NRG3: variants seen among roughly 807,000 people sequenced by gnomAD.
The protein encoded by NRG3 is pro-neuregulin-3, membrane-bound isoform.
In NRG3, 31 loss-of-function variants were observed where a neutral mutation model predicts 66.9. The ratio of observed to expected loss-of-function variants is 0.46; its 90% CI spans 0.35 to 0.63. NRG3 has a LOEUF of 0.63. Ranked by LOEUF, NRG3 falls within the 20% of genes least tolerant of loss-of-function variation. The probability of loss-of-function intolerance (pLI) is 0.00; values close to 1 mark genes in which losing one functional copy is unlikely to be tolerated. For synonymous variants in NRG3, 393 were observed against 359.4 expected (o/e 1.09, Z -1.06); for missense variants, 910 against 878.9 (o/e 1.04, Z -0.45).
intron 2 of NRG3, among the ~76,000 whole-genome samples, chr10:82,411,954 G>A (rs1175424386): frequency 6.6e-6 from 1 of 152,054 alleles, no homozygotes; most frequent in Non-Finnish European, 1.5e-5. Flanking sequence ...GAGATAAACT[G>A]AGTCCTTATT....
chr10:82,129,784 C>T (rs1016235419), intron 1 of NRG3, among the ~76,000 whole-genome samples: 2 of 152,090 alleles, frequency 1.3e-5, no homozygotes, highest in Non-Finnish European at 2.9e-5. Context: ...TGGTCTCGAA[C>T]TCCTGACCTC....
chr10:82,650,140 G>T (rs900703887), intron 2 of NRG3, among the ~76,000 whole-genome samples: 3 of 152,150 alleles, frequency 2.0e-5, no homozygotes, highest in African/African-American at 7.2e-5. Flanking sequence ...AAAGTAATGT[G>T]ACCTAGTTAC....
At chr10:82,304,692 G>A (rs1196063775) in intron 1 of NRG3, among the ~76,000 whole-genome samples, 1 of 151,978 alleles carries the variant, frequency 6.6e-6, no homozygotes, top group Non-Finnish European at 1.5e-5. Flanking sequence ...GTCAGCCTGG[G>A]GCTAATATGA....
intron 1 of NRG3, 146 bp downstream of exon 1, chr10:81,876,309 C>G: frequency 8.2e-7 from 1 of 1,215,946 alleles, no homozygotes; most frequent in Non-Finnish European, 1.1e-6. Context: ...TTAAAACTGG[C>G]CACCAGCGGG....
At chr10:82,883,201 GT>G (rs995016687) in intron 4 of NRG3, among the ~76,000 whole-genome samples, 1 of 152,002 alleles carries the variant, frequency 6.6e-6, no homozygotes, top group African/African-American at 2.4e-5. Flanking sequence ...AAAAAGTCAT[GT>G]TTTTGTTATT....
intron 1 of NRG3, among the ~76,000 whole-genome samples, chr10:82,001,798 C>T (rs1035613854): frequency 1.3e-5 from 2 of 151,990 alleles, no homozygotes; most frequent in African/African-American, 4.8e-5. Flanking sequence ...TTAAGTTGAG[C>T]AATCATTTCA....
At chr10:82,596,728 A>G (rs2047304208) in intron 2 of NRG3, among the ~76,000 whole-genome samples, 1 of 152,196 alleles carries the variant, frequency 6.6e-6, no homozygotes, top group Non-Finnish European at 1.5e-5. Flanking sequence ...TCACAGGTGT[A>G]TGTAAGACAA....
At chr10:82,351,243 C>G (rs992833371) in intron 1 of NRG3, among the ~76,000 whole-genome samples, 2 of 152,120 alleles carry the variant, frequency 1.3e-5, no homozygotes, top group Non-Finnish European at 2.9e-5. Context: ...TACAGGGAGA[C>G]CAGACAGGAG....
At chr10:81,919,601 TG>T (rs2132852845) in intron 1 of NRG3, among the ~76,000 whole-genome samples, 1 of 152,200 alleles carries the variant, frequency 6.6e-6, no homozygotes, top group Admixed American at 6.5e-5. Context: ...GTATTAAAGA[TG>T]GGGTGGAATT....
chr10:82,295,443 C>T (rs959669482), intron 1 of NRG3, among the ~76,000 whole-genome samples: 8 of 151,376 alleles, frequency 5.3e-5, no homozygotes, highest in Admixed American at 1.3e-4. Context: ...TTTTTGTTAT[C>T]GAGGGTACAT....
intron 2 of NRG3, among the ~76,000 whole-genome samples, chr10:82,729,924 C>T (rs1475198742): frequency 2.0e-5 from 3 of 152,052 alleles, no homozygotes; most frequent in Non-Finnish European, 4.4e-5. Flanking sequence ...TTTTTTGTGG[C>T]TCAAATAGTG....
intron 2 of NRG3, among the ~76,000 whole-genome samples, chr10:82,595,354 A>G (rs1040786056): frequency 6.6e-6 from 1 of 152,180 alleles, no homozygotes; most frequent in African/African-American, 2.4e-5. Flanking sequence ...CTGTTACCCA[A>G]TTAGGTGCAA....
At chr10:82,231,340 A>T (rs1379548552) in intron 1 of NRG3, among the ~76,000 whole-genome samples, 1 of 152,072 alleles carries the variant, frequency 6.6e-6, no homozygotes, top group Non-Finnish European at 1.5e-5. Flanking sequence ...CAAGAGCGAG[A>T]CTCCGTCTCA....
intron 3 of NRG3, among the ~76,000 whole-genome samples, chr10:82,755,777 A>T (rs563114687): frequency 6.6e-6 from 1 of 152,280 alleles, no homozygotes; most frequent in African/African-American, 2.4e-5. Context: ...ATTTTACTTT[A>T]CTTTTGTCCT....
At chr10:82,921,812 T>G (rs1033427162) in intron 4 of NRG3, among the ~76,000 whole-genome samples, 3 of 152,124 alleles carry the variant, frequency 2.0e-5, no homozygotes, top group Non-Finnish European at 2.9e-5. Context: ...ACATAATTAT[T>G]TCAGCTTTAG....
intron 4 of NRG3, among the ~76,000 whole-genome samples, chr10:82,888,227 A>G (rs1004027787): frequency 1.3e-5 from 2 of 152,224 alleles, no homozygotes; most frequent in Non-Finnish European, 2.9e-5. Context: ...CCATTTGTAA[A>G]GTGTGTTCCC....
chr10:82,531,666 T>C (rs1345587851), intron 2 of NRG3, among the ~76,000 whole-genome samples: 1 of 151,846 alleles, frequency 6.6e-6, no homozygotes, highest in Non-Finnish European at 1.5e-5. Context: ...AATGACAGAG[T>C]GTTCTGTGAA....
At chr10:82,176,518 A>G (rs1192563070) in intron 1 of NRG3, among the ~76,000 whole-genome samples, 4 of 152,074 alleles carry the variant, frequency 2.6e-5, no homozygotes, top group Non-Finnish European at 5.9e-5. Flanking sequence ...CCAAACACGT[A>G]GGCTACCCTC....
At chr10:82,374,131 A>G (rs530558907) in intron 2 of NRG3, among the ~76,000 whole-genome samples, 1 of 152,356 alleles carries the variant, frequency 6.6e-6, no homozygotes, top group African/African-American at 2.4e-5. Flanking sequence ...TTGAGGTGTT[A>G]AAAATGAGAC....
Sources: allele counts gnomAD v4.1 joint callset (sites outside exome capture counted in the v4.1 genomes callset), GRCh38; gene constraint gnomAD v4.1.1; transcripts MANE v1.5; gene names NCBI Gene and HGNC (gene_info 2026-07-23, HGNC 2026-07-21).